The following MBOAT2 variants were observed in gnomAD, a reference collection of about 807,000 sequenced individuals.
The protein encoded by MBOAT2 is membrane-bound glycerophospholipid O-acyltransferase 2.
A neutral mutation model predicts 63.4 loss-of-function variants in MBOAT2; 28 were observed. The ratio of observed to expected loss-of-function variants is 0.44; its 90% CI spans 0.33 to 0.61. The LOEUF (loss-of-function observed/expected upper bound fraction) is 0.61, where lower values mean the gene tolerates loss of function less well. Among genes scored for constraint, MBOAT2 ranks in the 20% least tolerant of loss-of-function variants. MBOAT2 has a pLI of 0.03. For missense variants in MBOAT2, 470 were observed against 605.8 expected, an observed-to-expected ratio of 0.78 and a Z score of 2.35; for synonymous variants, 211 against 215.6, an observed-to-expected ratio of 0.98 and a Z score of 0.19.
At chr2:8,920,952 C>T (rs894220365) in intron 3 of MBOAT2, among the ~76,000 whole-genome samples, 1 of 152,154 alleles carries the variant, frequency 6.6e-6, no homozygotes, top group African/African-American at 2.4e-5. Context: ...GTTTGCATGG[C>T]TTACATCTTT....
intron 4 of MBOAT2, among the ~76,000 whole-genome samples, chr2:8,896,267 G>T (rs1196684174): frequency 1.3e-5 from 2 of 150,122 alleles, no homozygotes; most frequent in Non-Finnish European, 3.0e-5. Flanking sequence ...AAAGAGTTGT[G>T]AAAGGTGTTG....
intron 1 of MBOAT2, among the ~76,000 whole-genome samples, chr2:9,001,420 T>TG (rs1293208944): frequency 6.6e-6 from 1 of 152,184 alleles, no homozygotes; most frequent in Admixed American, 6.5e-5. Context: ...GAGTAATGCG[T>TG]GGTGCTACGA....
At chr2:8,931,127 G>A (rs1667290431) in intron 3 of MBOAT2, among the ~76,000 whole-genome samples, 2 of 152,150 alleles carry the variant, frequency 1.3e-5, no homozygotes, top group South Asian at 4.1e-4. Flanking sequence ...CACAATGGTT[G>A]ACTAATTTAC....
chr2:8,901,957 G>A (rs1352665448), intron 4 of MBOAT2, among the ~76,000 whole-genome samples: 2 of 152,224 alleles, frequency 1.3e-5, no homozygotes, highest in Admixed American at 6.5e-5. Flanking sequence ...TAGGATAGAT[G>A]GGCGAGTCTC....
chr2:8,897,858 A>C (rs1323163421), intron 4 of MBOAT2, among the ~76,000 whole-genome samples: 1 of 152,226 alleles, frequency 6.6e-6, no homozygotes, highest in Non-Finnish European at 1.5e-5. Context: ...TATCTGAAGC[A>C]CTGGTCCCTC....
intron 1 of MBOAT2, among the ~76,000 whole-genome samples, chr2:8,983,307 G>A (rs1020374832): frequency 2.6e-5 from 4 of 152,058 alleles, no homozygotes; most frequent in Non-Finnish European, 5.9e-5. Flanking sequence ...AAATTTCTTA[G>A]GTGAAATGCA....
intron 4 of MBOAT2, among the ~76,000 whole-genome samples, chr2:8,902,951 G>A (rs1198375888): frequency 6.6e-6 from 1 of 152,158 alleles, no homozygotes; most frequent in African/African-American, 2.4e-5. Context: ...ATTTTACAGA[G>A]TGCTGACTGG....
At chr2:8,896,179 C>T (rs932713699) in intron 4 of MBOAT2, among the ~76,000 whole-genome samples, 3 of 143,468 alleles carry the variant, frequency 2.1e-5, no homozygotes, top group East Asian at 4.1e-4. Flanking sequence ...GTGGAGCTTG[C>T]AGTGAGCCGA....
intron 1 of MBOAT2, among the ~76,000 whole-genome samples, chr2:8,966,395 T>G (rs1409129041): frequency 2.0e-5 from 3 of 152,234 alleles, no homozygotes; most frequent in African/African-American, 7.2e-5. Context: ...TGCTGGAATC[T>G]TATCTGTGGA....
intron 3 of MBOAT2, among the ~76,000 whole-genome samples, chr2:8,916,829 C>T (rs984915488): frequency 1.3e-5 from 2 of 152,138 alleles, no homozygotes; most frequent in Non-Finnish European, 2.9e-5. Flanking sequence ...AGACTGTTTA[C>T]TATGTACCTT....
intron 3 of MBOAT2, among the ~76,000 whole-genome samples, chr2:8,933,515 C>A (rs977882808): frequency 1.8e-4 from 27 of 152,210 alleles, no homozygotes; most frequent in African/African-American, 6.5e-4. Flanking sequence ...CTAAGTTATA[C>A]AATTTTTATA....
At chr2:8,965,305 T>C (rs1309648876) in intron 1 of MBOAT2, among the ~76,000 whole-genome samples, 7 of 152,176 alleles carry the variant, frequency 4.6e-5, no homozygotes, top group Non-Finnish European at 8.8e-5. Flanking sequence ...GCTAACATTT[T>C]CCATTCCTGT....
intron 8 of MBOAT2, among the ~76,000 whole-genome samples, chr2:8,870,807 T>C (rs1293190392): frequency 6.6e-6 from 1 of 152,244 alleles, no homozygotes; most frequent in Non-Finnish European, 1.5e-5. Context: ...TTGTCATTCA[T>C]ATATATTCTA....
chr2:9,002,524 T>G (rs1274407395), intron 1 of MBOAT2, among the ~76,000 whole-genome samples: 1 of 152,204 alleles, frequency 6.6e-6, no homozygotes, highest in Non-Finnish European at 1.5e-5. Context: ...ACTTCCAGGT[T>G]AAGTACACTT....
At chr2:8,914,584 T>C (rs1012726902) in intron 3 of MBOAT2, among the ~76,000 whole-genome samples, 13 of 152,090 alleles carry the variant, frequency 8.5e-5, no homozygotes, top group African/African-American at 2.7e-4. Context: ...TATTTGTCAA[T>C]TGTGCACTAA....
At position 8,862,696 on chromosome 2, in the gene MBOAT2, C is replaced by T; in HGVS notation, c.1079G>A (p.Ser360Asn). The change falls in exon 11 of 13, where the codon AGT becomes AAT. Residue 360 changes from serine to asparagine, a missense_variant. Ser to Asn is a conservative substitution (Grantham distance 46). Around this residue, in one of 3 missense-constraint regions of MBOAT2, gnomAD observed 376 missense variants for 503.8 expected, o/e 0.75. Transcript: ENST00000305997. This position sits in a 1 kb window ranked among gnomAD's most constrained non-coding sequence, Gnocchi z 4.3. Reference sequence around the variant, plus strand: ...GAGAATGAACGTCTGGATAGTTGGACTGAAGGAGGTTCGTTCATAACACAC... The same window carrying T: ...GAGAATGAACGTCTGGATAGTTGGATTGAAGGAGGTTCGTTCATAACACAC... ...KRVCYERTSF[S>N]PTIQTFILSA... 1 of 1,613,982 alleles carries T rather than the reference C, an allele frequency of 6.2e-7. No individual in the cohort carries two copies. The highest frequency in any genetic ancestry group is 1.1e-5 in the South Asian group (1 of 91,036).
intron 9 of MBOAT2, among the ~76,000 whole-genome samples, chr2:8,865,075 T>C (rs1661776038): frequency 6.6e-6 from 1 of 152,346 alleles, no homozygotes; most frequent in Middle Eastern, 3.4e-3. Flanking sequence ...TTCAGACCTT[T>C]GTCTTAAGTT....
At chr2:8,873,059 A>T in intron 8 of MBOAT2, 49 bp downstream of exon 8, 1 of 1,544,074 alleles carries the variant, frequency 6.5e-7, no homozygotes, top group Non-Finnish European at 8.9e-7. Context: ...TCGACAAGGT[A>T]AGAAACGCTT....
At chr2:8,998,204 A>C (rs1293940238) in intron 1 of MBOAT2, among the ~76,000 whole-genome samples, 1 of 152,202 alleles carries the variant, frequency 6.6e-6, no homozygotes, top group Non-Finnish European at 1.5e-5. Flanking sequence ...ACACAGATTC[A>C]AGATTCTCAG....
Sources: gnomAD v4.1 joint callset for allele counts (sites outside exome capture counted in the v4.1 genomes callset) on GRCh38, gnomAD v4.1.1 for gene constraint, gnomAD v4.1.1 regional missense constraint, Gnocchi (gnomAD v3.1) non-coding constraint, MANE v1.5 for transcripts, NCBI Gene and HGNC (gene_info 2026-07-23, HGNC 2026-07-21) for gene names.